The following MAGOH variants were observed in gnomAD, a reference collection of about 807,000 sequenced individuals.
MAGOH encodes the protein protein mago nashi homolog.
Under a neutral mutation model 20.9 loss-of-function variants are expected in MAGOH, and 3 were observed. The ratio of observed to expected loss-of-function variants is 0.14; its 90% CI spans 0.07 to 0.37. The LOEUF (loss-of-function observed/expected upper bound fraction) is 0.37. Ranked by LOEUF, MAGOH falls within the 10% of genes least tolerant of loss-of-function variation. The pLI is 1.00. For missense variants in MAGOH, 66 were observed against 178.1 expected (o/e 0.37, Z 3.58); for synonymous variants, 51 against 61.0 (o/e 0.84, Z 0.76).
chr1:53,237,458 T>C (rs561116774), intron 1 of MAGOH, among the ~76,000 whole-genome samples: 1 of 150,466 alleles, frequency 6.6e-6, no homozygotes, highest in South Asian at 2.1e-4. Flanking sequence ...GCGTATCACC[T>C]GAGGTCAGGA....
intron 1 of MAGOH, among the ~76,000 whole-genome samples, chr1:53,238,135 A>G (rs1303464032): frequency 6.6e-6 from 1 of 152,212 alleles, no homozygotes; most frequent in African/African-American, 2.4e-5. Flanking sequence ...CCGTATTCCC[A>G]AAGAGTGGAA....
chr1:53,234,585 AG>A (rs1645602839), intron 2 of MAGOH, among the ~76,000 whole-genome samples: 2 of 152,066 alleles, frequency 1.3e-5, no homozygotes, highest in African/African-American at 4.8e-5. Flanking sequence ...CGTATTAGCC[AG>A]GATGGTCTCG....
Position 53,229,436 on chromosome 1 carries a change from T to A in MAGOH, c.259-482A>T, listed in dbSNP as rs531558611. Among the ~76,000 whole-genome samples, 223 of 152,248 alleles carry A rather than the reference T, an allele frequency of 1.5e-3. 1 individual carries two copies. Among genetic ancestry groups the A allele is most frequent in the Non-Finnish European group, 2.5e-3 (172 of 68,002 alleles). Reference sequence around the variant, plus strand: ...AGGATGGATTTTTTTGTATTTTTAATAGAGACAGGGTTTCGCCATGTTGGC... The same window carrying A: ...AGGATGGATTTTTTTGTATTTTTAAAAGAGACAGGGTTTCGCCATGTTGGC... On this transcript the variant is annotated intron_variant, in intron 3 of 4. Coordinates refer to ENST00000371470, the MANE Select transcript of MAGOH (RefSeq NM_002370.4).
intron 1 of MAGOH, among the ~76,000 whole-genome samples, chr1:53,236,281 A>G (rs1335234219): frequency 6.6e-6 from 1 of 152,220 alleles, no homozygotes; most frequent in African/African-American, 2.4e-5. Flanking sequence ...GTTTCTTCAC[A>G]TTCAGTTCAC....
At chr1:53,237,180 C>T (rs919898650) in intron 1 of MAGOH, among the ~76,000 whole-genome samples, 5 of 150,650 alleles carry the variant, frequency 3.3e-5, no homozygotes, top group South Asian at 2.1e-4. Context: ...AACTCCTGAC[C>T]TCAAGTGATC....
intron 2 of MAGOH, among the ~76,000 whole-genome samples, chr1:53,234,590 G>T (rs907025983): frequency 6.6e-6 from 1 of 151,978 alleles, no homozygotes; most frequent in Non-Finnish European, 1.5e-5. Context: ...TAGCCAGGAT[G>T]GTCTCGATCT....
At chr1:53,234,515 A>G (rs1179776469) in intron 2 of MAGOH, among the ~76,000 whole-genome samples, 1 of 151,642 alleles carries the variant, frequency 6.6e-6, no homozygotes, top group African/African-American at 2.4e-5. Context: ...CTGGGACTAC[A>G]GGCACCCGCC....
At chr1:53,236,180 G>C (rs543630441) in intron 1 of MAGOH, among the ~76,000 whole-genome samples, 1 of 152,302 alleles carries the variant, frequency 6.6e-6, no homozygotes, top group African/African-American at 2.4e-5. Flanking sequence ...AAGACAGAAG[G>C]AAATAGAAGA....
intron 2 of MAGOH, among the ~76,000 whole-genome samples, chr1:53,234,544 T>A (rs1234666845): frequency 6.6e-6 from 1 of 151,910 alleles, no homozygotes; most frequent in Non-Finnish European, 1.5e-5. Context: ...TGGCTAATTT[T>A]TTTGTATTTT....
At chr1:53,230,177 T>C (rs1645579212) in intron 3 of MAGOH, among the ~76,000 whole-genome samples, 1 of 152,244 alleles carries the variant, frequency 6.6e-6, no homozygotes. Flanking sequence ...TTCATATTCT[T>C]GTGAGGCCTA....
In MAGOH at chr1:53,226,952, G is replaced by T; in HGVS notation, c.*93C>A. 1.5e-6 allele frequency: 1 copy of T among 653,876 alleles called. No homozygotes were observed. The highest frequency in any genetic ancestry group is 2.6e-6 in the Non-Finnish European group (1 of 379,490). 40.5% of individuals were successfully genotyped at this position (653,876 alleles called of 1,614,324 possible). The stretch of plus-strand genomic sequence containing the variant: ...TGGATTTTATCACATATTTATTAAA[G>T]ACAATCATTTATAGTTCATAAAAAA... On this transcript the variant is annotated 3_prime_UTR_variant, in exon 5 of 5. Transcript: ENST00000371470.
chr1:53,237,540 G>C (rs1296258910), intron 1 of MAGOH, among the ~76,000 whole-genome samples: 1 of 151,350 alleles, frequency 6.6e-6, no homozygotes, highest in South Asian at 2.1e-4. Flanking sequence ...CGGGCGTGGT[G>C]GTGGGCGCCT....
intron 1 of MAGOH, among the ~76,000 whole-genome samples, chr1:53,237,618 A>T (rs1167156109): frequency 6.9e-6 from 1 of 145,262 alleles, no homozygotes; most frequent in East Asian, 2.2e-4. Context: ...AGGTTGCAAT[A>T]AGCCGAGATC....
intron 2 of MAGOH, 34 bp from the exon 3 acceptor site, chr1:53,233,686 T>C (rs777496763): frequency 7.3e-7 from 1 of 1,373,506 alleles, no homozygotes. Flanking sequence ...ATGTATGTTG[T>C]ATCCTTAAGC....
intron 2 of MAGOH, among the ~76,000 whole-genome samples, chr1:53,234,154 A>G (rs971700416): frequency 6.6e-6 from 1 of 152,166 alleles, no homozygotes; most frequent in African/African-American, 2.4e-5. Context: ...CCATATGAGG[A>G]CACAGCATTC....
intron 4 of MAGOH, 27 bp from the exon 5 acceptor site, chr1:53,227,171 G>A: frequency 2.1e-6 from 3 of 1,404,280 alleles, no homozygotes; most frequent in South Asian, 1.3e-5. Flanking sequence ...AAAAAGTTTA[G>A]GCATTAAAAC....
rs1182097962 is a variant in MAGOH at position 53,227,042 on chromosome 1, A to G, written c.*3T>C. 1 of 1,496,412 alleles carries G rather than the reference A, an allele frequency of 6.7e-7. No homozygotes were observed. The allele number at this position is 1,496,412 out of a possible 1,614,324, so 92.7% of individuals were successfully genotyped here. On this transcript the variant is annotated 3_prime_UTR_variant, in exon 5 of 5. Transcript: ENST00000371470. Reference sequence around the variant, plus strand: ...ACCCCCCATGTCCACACCAATATTCAGTCTAGATTGGTTTAATCTTGAAGT... The same window carrying G: ...ACCCCCCATGTCCACACCAATATTCGGTCTAGATTGGTTTAATCTTGAAGT...
intron 2 of MAGOH, among the ~76,000 whole-genome samples, chr1:53,234,547 TG>T (rs1645602662): frequency 6.6e-6 from 1 of 151,976 alleles, no homozygotes; most frequent in African/African-American, 2.4e-5. Flanking sequence ...CTAATTTTTT[TG>T]TATTTTCAGT....
chr1:53,227,013 A>G lies in MAGOH; in HGVS notation c.*32T>C. 1 of 626,812 alleles carries G rather than the reference A, an allele frequency of 1.6e-6. No homozygotes were observed. The highest frequency in any genetic ancestry group is 2.7e-6 in the Non-Finnish European group (1 of 371,338). 38.8% of individuals were successfully genotyped at this position (626,812 alleles called of 1,614,324 possible). A position where few individuals can be genotyped will look rare whatever the true frequency, so the allele number is the denominator to read the frequency against. On this transcript the variant is annotated 3_prime_UTR_variant, in exon 5 of 5. Transcript: ENST00000371470. ...GATATACACAAAATTTTCTACTCCC[A>G]CCCACCCCCCATGTCCACACCAATA... is the stretch of plus-strand genomic sequence containing the variant.
Sources: allele counts gnomAD v4.1 joint callset (sites outside exome capture counted in the v4.1 genomes callset), GRCh38; gene constraint gnomAD v4.1.1; transcripts MANE v1.5; gene names NCBI Gene and HGNC (gene_info 2026-07-23, HGNC 2026-07-21).